The following ZC3HAV1L variants were observed in gnomAD, a reference collection of about 807,000 sequenced individuals.
ZC3HAV1L encodes ZC3HAV1 like, also known as zinc finger CCCH-type antiviral protein 1-like.
ZC3HAV1L carries 23 observed loss-of-function variants against 28.2 expected under a neutral mutation model. That is an observed-to-expected ratio of 0.82 (90% CI 0.59 to 1.16). ZC3HAV1L has a LOEUF of 1.16. ZC3HAV1L is among the 50% of genes most tolerant of loss of function. The probability of loss-of-function intolerance (pLI) is 0.00; values close to 1 mark genes in which losing one functional copy is unlikely to be tolerated. For missense variants in ZC3HAV1L, 376 were observed against 387.7 expected, an observed-to-expected ratio of 0.97 and a Z score of 0.25; for synonymous variants, 180 against 163.4, an observed-to-expected ratio of 1.10 and a Z score of -0.78.
downstream of ZC3HAV1L, among the ~76,000 whole-genome samples, chr7:139,021,969 A>G (rs1172975742): frequency 6.6e-6 from 1 of 152,182 alleles, no homozygotes. Flanking sequence ...CTTTCTAATA[A>G]TAGAGATTCC....
downstream of ZC3HAV1L, among the ~76,000 whole-genome samples, chr7:139,023,048 G>A (rs1173459932): frequency 6.6e-6 from 1 of 151,998 alleles, no homozygotes; most frequent in Non-Finnish European, 1.5e-5. Context: ...GGTGGTACAT[G>A]CCTATAATCC....
At chr7:139,028,179 C>G (rs1472492922) in intron 3 of ZC3HAV1L, among the ~76,000 whole-genome samples, 1 of 152,018 alleles carries the variant, frequency 6.6e-6, no homozygotes, top group Non-Finnish European at 1.5e-5. Flanking sequence ...TTGAGACCAT[C>G]CTGGCCAACA....
intron 2 of ZC3HAV1L, chr7:139,033,687 G>T: frequency 1.0e-6 from 1 of 979,128 alleles, no homozygotes. Flanking sequence ...TCCTAAAAAA[G>T]GGCATACCAA....
downstream of ZC3HAV1L, among the ~76,000 whole-genome samples, chr7:139,024,540 G>A (rs1391133456): frequency 1.3e-5 from 2 of 152,064 alleles, no homozygotes; most frequent in East Asian, 3.8e-4. Flanking sequence ...ATCACCAGGA[G>A]AAATCTGGAC....
intron 1 of ZC3HAV1L, 103 bp downstream of exon 1, chr7:139,035,549 GC>G: frequency 7.5e-7 from 1 of 1,326,572 alleles, no homozygotes; most frequent in African/African-American, 1.5e-5. Flanking sequence ...CGCGTCCCCG[GC>G]CCGGGGCAGG....
chr7:139,035,306 C>G, intron 1 of ZC3HAV1L: 2 of 985,426 alleles, frequency 2.0e-6, no homozygotes, highest in Non-Finnish European at 2.4e-6. Flanking sequence ...AGACGCCCCA[C>G]GCCCCCCACC....
At chr7:139,034,100 C>T in intron 2 of ZC3HAV1L, 1 of 985,476 alleles carries the variant, frequency 1.0e-6, no homozygotes, top group Non-Finnish European at 1.2e-6. Context: ...GCTCCAGCTC[C>T]TACCTCTAGT....
chr7:139,033,392 C>A (rs1274970385), intron 2 of ZC3HAV1L, among the ~76,000 whole-genome samples: 1 of 152,090 alleles, frequency 6.6e-6, no homozygotes, highest in Non-Finnish European at 1.5e-5. Context: ...TGAAACTTTA[C>A]CTGTCTATTG....
downstream of ZC3HAV1L, among the ~76,000 whole-genome samples, chr7:139,021,541 C>A (rs1324933045): frequency 6.6e-6 from 1 of 151,890 alleles, no homozygotes; most frequent in African/African-American, 2.4e-5. Context: ...AGATGTACAG[C>A]AAATAGGAAA....
intron 3 of ZC3HAV1L, 108 bp from the exon 4 acceptor site, chr7:139,026,941 A>G: frequency 8.0e-7 from 1 of 1,250,372 alleles, no homozygotes; most frequent in Non-Finnish European, 1.1e-6. Flanking sequence ...CAACACATGG[A>G]TTTGGAGAGT....
At chr7:139,024,186 G>C (rs1815301209), downstream of ZC3HAV1L, among the ~76,000 whole-genome samples, 1 of 152,072 alleles carries the variant, frequency 6.6e-6, no homozygotes, top group Non-Finnish European at 1.5e-5. Flanking sequence ...CTTTCTAACA[G>C]CTTAATCATG....
In ZC3HAV1L at chr7:139,035,642, C is replaced by T; in HGVS notation, c.365+11G>A. 1 of 1,397,664 alleles carries T rather than the reference C, an allele frequency of 7.2e-7. No homozygotes were observed. The allele number at this position is 1,397,664 out of a possible 1,614,324, so 86.6% of individuals were successfully genotyped here. ...AGCGCCCACAGTCCCCGCCCGCCGCCGCCTTCTCACCAGCAGTCCCGGTTG... is the reference window on the plus strand; with the variant it reads ...AGCGCCCACAGTCCCCGCCCGCCGCTGCCTTCTCACCAGCAGTCCCGGTTG... On this transcript the variant is annotated intron_variant, in intron 1 of 4. Transcript: ENST00000275766.
At chr7:139,023,182 G>GGAA (rs1815280485), downstream of ZC3HAV1L, among the ~76,000 whole-genome samples, 1 of 103,122 alleles carries the variant, frequency 9.7e-6, no homozygotes, top group Non-Finnish European at 1.8e-5. Flanking sequence ...AAGGAAAAAA[G>GGAA]AAAAAAAAAA....
downstream of ZC3HAV1L, among the ~76,000 whole-genome samples, chr7:139,023,127 A>C (rs1362484505): frequency 6.7e-6 from 1 of 148,526 alleles, no homozygotes; most frequent in African/African-American, 2.5e-5. Context: ...GTGAGCTGAG[A>C]TCATGCCACT....
At chr7:139,028,394 A>AAAAAC (rs1203893825) in intron 3 of ZC3HAV1L, among the ~76,000 whole-genome samples, 2 of 150,144 alleles carry the variant, frequency 1.3e-5, no homozygotes. Flanking sequence ...CAAAAACAAA[A>AAAAAC]CCTGTTCTAC....
chr7:139,033,420 G>A (rs1295085739), intron 2 of ZC3HAV1L, among the ~76,000 whole-genome samples: 1 of 152,144 alleles, frequency 6.6e-6, no homozygotes, highest in Non-Finnish European at 1.5e-5. Flanking sequence ...TATTGAGAGA[G>A]TGGTAAAAGC....
rs1303339496 is a variant in ZC3HAV1L, at chr7:139,026,037, A to C, written c.*507T>G. Reference sequence around the variant, plus strand: ...GTAGTCCCAGCTACTCAGGAGGCTGAGGTGGGATGATCACTTGAGCCCAGG... The same window carrying C: ...GTAGTCCCAGCTACTCAGGAGGCTGCGGTGGGATGATCACTTGAGCCCAGG... On this transcript the variant is annotated 3_prime_UTR_variant, in exon 5 of 5. Coordinates refer to ENST00000275766, the MANE Select transcript of ZC3HAV1L (RefSeq NM_080660.4). 2 of 153,160 alleles carry C rather than the reference A, an allele frequency of 1.3e-5. No individual in the cohort carries two copies. Among genetic ancestry groups the C allele is most frequent in the Non-Finnish European group, 2.9e-5 (2 of 68,962 alleles). 9.5% of individuals were successfully genotyped at this position (153,160 alleles called of 1,614,324 possible).
chr7:139,028,875 G>T lies in ZC3HAV1L; in HGVS notation c.587C>A (p.Ser196Tyr), dbSNP rs778114236. 1.2e-6 allele frequency: 2 copies of T among 1,614,190 alleles called. No individual in the cohort carries two copies. The highest frequency in any genetic ancestry group is 1.1e-5 in the South Asian group (1 of 91,080). ...AAGTTTGCATTCTCCTTTCACAAAG[G>T]ATTTGCACACATGAAACTTGTTGCA... ...DKCNKFHVCK[S>Y]FVKGECKLQT... Residue 196 changes from serine to tyrosine, a missense_variant, in exon 3 of 5, where the codon TCC becomes TAC. By Grantham distance (144) the Ser-to-Tyr change is moderately radical. Transcript: ENST00000275766.
At chr7:139,033,985 T>C (rs1326514489) in intron 2 of ZC3HAV1L, 6 of 985,346 alleles carry the variant, frequency 6.1e-6, no homozygotes, top group Non-Finnish European at 7.2e-6. Context: ...AAACAGGTTA[T>C]GCATGTCAGG....
Sources: allele counts gnomAD v4.1 joint callset (sites outside exome capture counted in the v4.1 genomes callset), GRCh38; gene constraint gnomAD v4.1.1; transcripts MANE v1.5; gene names NCBI Gene and HGNC (gene_info 2026-07-23, HGNC 2026-07-21).